Variants in LRRIQ1 observed in about 807,000 individuals in gnomAD.
LRRIQ1 encodes leucine-rich repeat- and IQ domain-containing protein 1.
In LRRIQ1, 210 loss-of-function variants were observed where a neutral mutation model predicts 211.9. The observed-to-expected ratio is 0.99, with a 90% confidence interval of 0.89 to 1.11. LRRIQ1 has a LOEUF of 1.11. LRRIQ1 is among the 50% of genes most tolerant of loss of function. LRRIQ1 has a pLI of 0.00. For missense variants in LRRIQ1, 2,136 were observed against 1,939.5 expected (o/e 1.10, Z -1.90); for synonymous variants, 699 against 650.1 (o/e 1.08, Z -1.14).
rs373674270 is a variant in LRRIQ1 at position 85,056,425 on chromosome 12, C to T, written c.1632C>T (p.Val544=). Residue 544 remains valine, a synonymous_variant, in exon 8 of 27, where the codon GTC becomes GTT. Coordinates refer to ENST00000393217, the MANE Select transcript of LRRIQ1 (RefSeq NM_001079910.2). The part of the protein sequence containing the change: ...AQKEEKIMKH[V]INENTGQKTQ... ...AAGAAGAAAAAATCATGAAACATGT[C>T]ATAAATGAGAATACAGGACAAAAAA... 1.3e-6 allele frequency: 2 copies of T among 1,593,084 alleles called. No homozygotes were observed. The highest frequency in any genetic ancestry group is 1.4e-5 in the African/African-American group (1 of 73,324).
At chr12:85,212,789 GAGAGAGAGAGAA>G (rs1161839673) in intron 24 of LRRIQ1, among the ~76,000 whole-genome samples, 107 of 149,110 alleles carry the variant, frequency 7.2e-4, no homozygotes, top group East Asian at 2.4e-3. Flanking sequence ...TATATATATA[GAGAGAGAGAGAA>G]AGAGAGAGAG....
At chr12:85,064,222 G>C (rs1882178160) in intron 8 of LRRIQ1, among the ~76,000 whole-genome samples, 1 of 151,770 alleles carries the variant, frequency 6.6e-6, no homozygotes, top group Non-Finnish European at 1.5e-5. Context: ...CATTTTAACT[G>C]GGGTGAGTTG....
At chr12:85,088,265 G>A (rs908760904) in intron 11 of LRRIQ1, among the ~76,000 whole-genome samples, 1 of 152,070 alleles carries the variant, frequency 6.6e-6, no homozygotes, top group Non-Finnish European at 1.5e-5. Flanking sequence ...TAGATGTGTG[G>A]TATTATTTCT....
At chr12:85,259,301 G>C (rs1755354001) in intron 1 of LRRIQ1, among the ~76,000 whole-genome samples, 1 of 151,936 alleles carries the variant, frequency 6.6e-6, no homozygotes, top group Admixed American at 6.6e-5. Context: ...ATATTTTGAG[G>C]CCAGAGTCTC....
At chr12:85,150,213 C>T (rs1890151227) in intron 19 of LRRIQ1, among the ~76,000 whole-genome samples, 1 of 151,752 alleles carries the variant, frequency 6.6e-6, no homozygotes, top group Non-Finnish European at 1.5e-5. Context: ...GGCATGTTGC[C>T]TTTGTAATAT....
chr12:85,090,193 C>T (rs1477152179), intron 11 of LRRIQ1, among the ~76,000 whole-genome samples: 1 of 152,196 alleles, frequency 6.6e-6, no homozygotes, highest in Non-Finnish European at 1.5e-5. Context: ...TTCCTGGCAG[C>T]CTCTGCCTAG....
chr12:85,052,312 T>A, intron 7 of LRRIQ1, 61 bp downstream of exon 7: 1 of 848,742 alleles, frequency 1.2e-6, no homozygotes, highest in Non-Finnish European at 1.9e-6. Context: ...TACATTACTA[T>A]GCTTGAAATG....
intron 10 of LRRIQ1, among the ~76,000 whole-genome samples, chr12:85,068,382 TTTTTC>T (rs1177098391): frequency 6.6e-6 from 1 of 151,950 alleles, no homozygotes; most frequent in African/African-American, 2.4e-5. Flanking sequence ...TATATTTTGT[TTTTTC>T]TTCTTTTATT....
chr12:85,192,285 G>C (rs1033595955), intron 24 of LRRIQ1, among the ~76,000 whole-genome samples: 3 of 148,870 alleles, frequency 2.0e-5, no homozygotes, highest in Admixed American at 7.0e-5. Flanking sequence ...GTGTTAGTTT[G>C]CTTAGGATAG....
At chr12:85,149,405 G>A (rs955971222) in intron 19 of LRRIQ1, among the ~76,000 whole-genome samples, 2 of 151,884 alleles carry the variant, frequency 1.3e-5, no homozygotes, top group African/African-American at 4.8e-5. Context: ...TATTGAACAG[G>A]AGATCTTTTT....
At chr12:85,195,674 T>C (rs1275748734) in intron 24 of LRRIQ1, among the ~76,000 whole-genome samples, 4 of 151,168 alleles carry the variant, frequency 2.6e-5, no homozygotes, top group Non-Finnish European at 4.4e-5. Flanking sequence ...TGGGACGTAT[T>C]TCAAAATAAT....
At chr12:85,257,237 TATCCATCCAG>T (rs1453776591) in intron 1 of LRRIQ1, among the ~76,000 whole-genome samples, 1 of 132,908 alleles carries the variant, frequency 7.5e-6, no homozygotes, top group Non-Finnish European at 1.6e-5. Flanking sequence ...GGAACATGCA[TATCCATCCAG>T]ATCCATAAAA....
At chr12:85,045,079 A>G (rs1879378771) in intron 4 of LRRIQ1, among the ~76,000 whole-genome samples, 1 of 151,972 alleles carries the variant, frequency 6.6e-6, no homozygotes, top group South Asian at 2.1e-4. Flanking sequence ...TAGGAGAACT[A>G]TATTACACAA....
intron 23 of LRRIQ1, chr12:85,159,652 G>C (rs972452889): frequency 6.6e-6 from 1 of 151,940 alleles, no homozygotes; most frequent in Admixed American, 6.6e-5. Context: ...CAAATAAAAA[G>C]GCAAGAAGAG....
At chr12:85,226,003 G>T (rs768092737) in intron 24 of LRRIQ1, among the ~76,000 whole-genome samples, 3 of 152,122 alleles carry the variant, frequency 2.0e-5, no homozygotes, top group Non-Finnish European at 2.9e-5. Context: ...TTCTTACACT[G>T]AGCTCATGCC....
chr12:85,174,540 CAAA>C (rs112120416), intron 24 of LRRIQ1, among the ~76,000 whole-genome samples: 1 of 134,494 alleles, frequency 7.4e-6, no homozygotes. Flanking sequence ...ACTAAAAATA[CAAA>C]AAAAAAAAAA....
At chr12:85,270,810 T>C in the LRRIQ1 span, among the ~76,000 whole-genome samples, 1 of 152,132 alleles carries the variant, frequency 6.6e-6, no homozygotes, top group East Asian at 1.9e-4. Context: ...AAGATAACAT[T>C]GAATCAGAAT....
intron 15 of LRRIQ1, among the ~76,000 whole-genome samples, chr12:85,109,800 C>T (rs1887040395): frequency 6.6e-6 from 1 of 152,110 alleles, no homozygotes; most frequent in South Asian, 2.1e-4. Context: ...TCTACCCCTA[C>T]CCCATACTGT....
In LRRIQ1 at chr12:85,169,265, AT is replaced by A. The variant is rs1351372254; in HGVS notation, c.4822+8552del. On this transcript the variant is annotated intron_variant, in intron 24 of 26. Coordinates refer to ENST00000393217, the MANE Select transcript of LRRIQ1 (RefSeq NM_001079910.2). ...ATCTGTTTTTTGCATGATTTTTTTT[AT>A]AAGTCTTGACTAGTAGGGAGAGAGG... Among the ~76,000 whole-genome samples the A allele has an allele frequency of 4.6e-5, 7 of 152,290 alleles. No homozygotes were observed. The South Asian group carries it at 1.0e-3, about 23-fold the overall frequency.
Sources: gnomAD v4.1 joint callset for allele counts (sites outside exome capture counted in the v4.1 genomes callset) on GRCh38, gnomAD v4.1.1 for gene constraint, MANE v1.5 for transcripts, NCBI Gene and HGNC (gene_info 2026-07-23, HGNC 2026-07-21) for gene names.